Variants in BLOC1S3 observed in about 807,000 individuals in gnomAD.
BLOC1S3 encodes the protein biogenesis of lysosomal organelles complex 1 subunit 3.
BLOC1S3 carries 7 observed loss-of-function variants against 9.1 expected under a neutral mutation model. The observed-to-expected ratio is 0.77, with a 90% CI of 0.44 to 1.45. BLOC1S3 has a LOEUF of 1.45. Ranked by LOEUF, BLOC1S3 falls within the 40% of genes most tolerant of loss-of-function variation. The pLI, the probability that BLOC1S3 is intolerant of heterozygous loss-of-function variation, is 0.01. For missense variants in BLOC1S3, 307 were observed against 315.2 expected (o/e 0.97, Z 0.20); for synonymous variants, 145 against 158.4 (o/e 0.92, Z 0.64).
chr19:45,204,240 C>G (rs8105802), intron 3 of BLOC1S3, among the ~76,000 whole-genome samples: 95,679 of 142,216 alleles, frequency 0.67, 33,508 homozygotes, highest in African/African-American at 0.91. Flanking sequence ...CCAGGCTGGA[C>G]TGCAATGGTG....
chr19:45,193,396 GT>G (rs755902112), intron 2 of BLOC1S3, among the ~76,000 whole-genome samples: 6 of 151,960 alleles, frequency 3.9e-5, no homozygotes, highest in Non-Finnish European at 8.8e-5. Context: ...TTGTATATTG[GT>G]TGTATATCAT....
At position 45,213,200 on chromosome 19, in the gene BLOC1S3, G is replaced by A. The variant is rs770700089; in HGVS notation, n.283-3476G>A. Reference sequence around the variant, plus strand: ...GGGAGGCTGAGACAGAAAGATGGGCGGGGCACAGGGATGTCTGCAAAGAAG... The same window carrying A: ...GGGAGGCTGAGACAGAAAGATGGGCAGGGCACAGGGATGTCTGCAAAGAAG... On this transcript the variant is annotated intron_variant and non_coding_transcript_variant, in intron 3 of 3. Transcript: ENST00000591569. 6.8e-5 allele frequency: 110 copies of A among 1,608,144 alleles called. No individual in the cohort carries two copies. Among genetic ancestry groups the A allele is most frequent in the Non-Finnish European group, 8.8e-5 (104 of 1,177,200 alleles).
chr19:45,202,009 G>C (rs1426895212), intron 2 of BLOC1S3, among the ~76,000 whole-genome samples: 1 of 151,938 alleles, frequency 6.6e-6, no homozygotes, highest in Non-Finnish European at 1.5e-5. Flanking sequence ...GGATCATGAG[G>C]TCAGGAGATC....
In BLOC1S3 at chr19:45,180,105, A is replaced by G. The variant is rs1467575606; in HGVS notation, c.*200A>G. 3 of 566,286 alleles carry G rather than the reference A, an allele frequency of 5.3e-6. No homozygotes were observed. Among genetic ancestry groups the G allele is most frequent in the African/African-American group, 2.0e-5 (1 of 49,648 alleles). The allele number at this position is 566,286 out of a possible 1,614,324, so 35.1% of individuals were successfully genotyped here. ...CCCCTACTGCGGAGACCAGGGCCCC[A>G]CTATCCTTAGATCTGGTTCCTCTCC... On this transcript the variant is annotated 3_prime_UTR_variant, in exon 2 of 2. Coordinates refer to ENST00000433642, the MANE Select transcript of BLOC1S3 (RefSeq NM_212550.5).
intron 3 of BLOC1S3, among the ~76,000 whole-genome samples, chr19:45,203,398 T>C (rs1045163475): frequency 5.3e-5 from 8 of 151,996 alleles, no homozygotes; most frequent in Non-Finnish European, 1.2e-4. Context: ...CTCAGCCTCC[T>C]AAGTAGCTGG....
chr19:45,208,189 GTC>G (rs66524698), intron 3 of BLOC1S3, among the ~76,000 whole-genome samples: 30,953 of 151,468 alleles, frequency 0.2, 3,894 homozygotes, highest in Non-Finnish European at 0.3. Flanking sequence ...GGCCAAGCTG[GTC>G]TCGAACTCCT....
chr19:45,198,596 C>T (rs1474232780), intron 2 of BLOC1S3, among the ~76,000 whole-genome samples: 3 of 151,684 alleles, frequency 2.0e-5, no homozygotes, highest in African/African-American at 7.2e-5. Context: ...ACCCAGCCAA[C>T]TTCATCACTT....
downstream of BLOC1S3, among the ~76,000 whole-genome samples, chr19:45,186,711 A>C (rs1466867065): frequency 6.6e-6 from 1 of 152,144 alleles, no homozygotes; most frequent in Non-Finnish European, 1.5e-5. Context: ...TCTCAACAAC[A>C]ACAACAAAAA....
downstream of BLOC1S3, among the ~76,000 whole-genome samples, chr19:45,182,217 A>T (rs1333088096): frequency 1.3e-5 from 2 of 152,076 alleles, no homozygotes; most frequent in East Asian, 3.9e-4. Context: ...TCACGCCTGT[A>T]ATCCTAGCAC....
intron 2 of BLOC1S3, among the ~76,000 whole-genome samples, chr19:45,191,753 T>C (rs1017635282): frequency 6.6e-6 from 1 of 152,264 alleles, no homozygotes; most frequent in Admixed American, 6.5e-5. Flanking sequence ...CAGAGATTCT[T>C]GTCTTCTTCC....
intron 2 of BLOC1S3, among the ~76,000 whole-genome samples, chr19:45,199,715 GTTCTCTTCTCTTCTTTCTTCTC>G (rs1210942657): frequency 6.7e-6 from 1 of 150,030 alleles, no homozygotes; most frequent in African/African-American, 2.5e-5. Context: ...CTTCTCTTCT[GTTCTCTTCTCTTCTTTCTTCTC>G]TTCTCTTCTC....
At chr19:45,193,528 C>CTGTCAAAAGAACTTTTTTT (rs1356707512) in intron 2 of BLOC1S3, among the ~76,000 whole-genome samples, 1 of 152,058 alleles carries the variant, frequency 6.6e-6, no homozygotes, top group Middle Eastern at 3.2e-3. Context: ...GAGATGGTCT[C>CTGTCAAAAGAACTTTTTTT]TGTCAAAAGA....
intron 2 of BLOC1S3, among the ~76,000 whole-genome samples, chr19:45,190,788 T>TTTTATTTTATTTTA (rs1969599133): frequency 9.9e-6 from 1 of 101,118 alleles, no homozygotes; most frequent in Non-Finnish European, 2.5e-5. Context: ...TTTTATTTTA[T>TTTTATTTTATTTTA]TTTATTTTAT....
At position 45,190,450 on chromosome 19, in the gene BLOC1S3, A is replaced by G. The variant is rs539155491; in HGVS notation, n.180+2710A>G. Among the ~76,000 whole-genome samples, 141 of 151,662 alleles carry G rather than the reference A, an allele frequency of 9.3e-4. 1 individual carries two copies. Among genetic ancestry groups the G allele is most frequent in the African/African-American group, 3.3e-3 (135 of 41,326 alleles). On this transcript the variant is annotated intron_variant and non_coding_transcript_variant, in intron 2 of 3. Coordinates refer to the BLOC1S3 transcript ENST00000591569. Reference sequence around the variant, plus strand: ...GATCTGGCTCTATCACCCAGGCTGGAGTGCAGTGCCACAGTCTTGGCTTAC... The same window carrying G: ...GATCTGGCTCTATCACCCAGGCTGGGGTGCAGTGCCACAGTCTTGGCTTAC...
chr19:45,185,042 AGAAGTCGTGATACAGGG>A (rs760522306), downstream of BLOC1S3, among the ~76,000 whole-genome samples: 6 of 150,164 alleles, frequency 4.0e-5, no homozygotes, highest in Admixed American at 1.3e-4. Context: ...CAGAAGAGGG[AGAAGTCGTGATACAGGG>A]GAAAGGTGGG....
In BLOC1S3 at chr19:45,192,512, C is replaced by T. The variant is rs115422921; in HGVS notation, n.180+4772C>T. On this transcript the variant is annotated intron_variant and non_coding_transcript_variant, in intron 2 of 3. Transcript: ENST00000591569. The stretch of plus-strand genomic sequence containing the variant: ...TAGGAGCCTCTCCCCGTAGTCACCA[C>T]GTCAGGGAATATGCTGGGTCATATC... 4.3e-3 allele frequency among the ~76,000 whole-genome samples: 660 copies of T among 152,290 alleles called. 2 individuals carry two copies. Among genetic ancestry groups the T allele is most frequent in the African/African-American group, 0.014 (570 of 41,564 alleles).
At chr19:45,211,954 G>T (rs1371058619) in intron 3 of BLOC1S3, among the ~76,000 whole-genome samples, 1 of 152,154 alleles carries the variant, frequency 6.6e-6, no homozygotes, top group African/African-American at 2.4e-5. Flanking sequence ...GGGGGTGAGA[G>T]GCTGGAAATT....
chr19:45,201,900 T>A (rs972973636), intron 2 of BLOC1S3, among the ~76,000 whole-genome samples: 5 of 152,036 alleles, frequency 3.3e-5, no homozygotes, highest in Admixed American at 2.0e-4. Context: ...TTGGCTTGGT[T>A]CTCATTCTGT....
chr19:45,182,031 C>T (rs1013924398), downstream of BLOC1S3, among the ~76,000 whole-genome samples: 2 of 152,084 alleles, frequency 1.3e-5, no homozygotes. Context: ...GGTATAGCAC[C>T]CAGTCCCTGC....
Sources: allele counts gnomAD v4.1 joint callset (sites outside exome capture counted in the v4.1 genomes callset), GRCh38; gene constraint gnomAD v4.1.1; transcripts MANE v1.5; gene names NCBI Gene and HGNC (gene_info 2026-07-23, HGNC 2026-07-21).